The following RPS6KA2 variants were observed in gnomAD, a reference collection of about 807,000 sequenced individuals.
RPS6KA2 encodes the protein ribosomal protein S6 kinase alpha-2.
Under a neutral mutation model 91.8 loss-of-function variants are expected in RPS6KA2, and 42 were observed. That is an observed-to-expected ratio of 0.46 (90% confidence interval 0.36 to 0.59). RPS6KA2 has a LOEUF of 0.59. Ranked by LOEUF, RPS6KA2 falls within the 20% of genes least tolerant of loss-of-function variation. The probability of loss-of-function intolerance (pLI) is 0.00; values close to 1 mark genes in which losing one functional copy is unlikely to be tolerated. For synonymous variants in RPS6KA2, 414 were observed against 393.6 expected (o/e 1.05, Z -0.61); for missense variants, 798 against 978.5 (o/e 0.82, Z 2.46).
chr6:166,700,582 C>T (rs1425962223), intron 2 of RPS6KA2, among the ~76,000 whole-genome samples: 3 of 152,164 alleles, frequency 2.0e-5, no homozygotes, highest in Non-Finnish European at 2.9e-5. Flanking sequence ...CTGTCAACAC[C>T]GTTCAGCACT....
rs548547643 is a variant in RPS6KA2 at position 166,853,619 on chromosome 6, C to G, written c.123+4581G>C. On this transcript the variant is annotated intron_variant, in intron 2 of 21. Transcript: ENST00000503859. ...CGCCACGTCCTATCCCACCAAAGATCCATGCTCAGCATCGTGGCCACCTAA... is the reference window on the plus strand; with the variant it reads ...CGCCACGTCCTATCCCACCAAAGATGCATGCTCAGCATCGTGGCCACCTAA... 6.2e-4 allele frequency among the ~76,000 whole-genome samples: 95 copies of G among 152,376 alleles called. 1 individual carries two copies. Among genetic ancestry groups the G allele is most frequent in the Non-Finnish European group, 7.6e-4 (52 of 68,040 alleles).
chr6:166,856,147 T>G (rs1230873573), intron 2 of RPS6KA2, among the ~76,000 whole-genome samples: 1 of 152,206 alleles, frequency 6.6e-6, no homozygotes, highest in Non-Finnish European at 1.5e-5. Flanking sequence ...GGGCATAACA[T>G]GTGCTATGGT....
intron 2 of RPS6KA2, among the ~76,000 whole-genome samples, chr6:166,783,048 G>GTATTAT (rs71686287): frequency 7.7e-4 from 104 of 134,702 alleles, no homozygotes; most frequent in African/African-American, 2.1e-3. Context: ...TATCTTTTAG[G>GTATTAT]TATTATTATT....
rs1780196789 is a variant in RPS6KA2, at chr6:166,459,283, C to G, written c.1075+166G>C. The stretch of plus-strand genomic sequence containing the variant: ...AGAGAACTGGGGCTATCACTTAAAC[C>G]TTTATCACTGAGCAGAGAAAACAAC... On this transcript the variant is annotated intron_variant, in intron 12 of 20. Coordinates refer to ENST00000265678, the MANE Select transcript of RPS6KA2 (RefSeq NM_021135.6). This position sits in a 1 kb window ranked among gnomAD's most constrained non-coding sequence, Gnocchi z 4.9. Among the ~76,000 whole-genome samples, 1 of 152,164 alleles carries G rather than the reference C, an allele frequency of 6.6e-6. No individual in the cohort carries two copies. The highest frequency in any genetic ancestry group is 1.5e-5 in the Non-Finnish European group (1 of 68,040).
intron 2 of RPS6KA2, among the ~76,000 whole-genome samples, chr6:166,678,668 A>G (rs1788687330): frequency 6.6e-6 from 1 of 152,200 alleles, no homozygotes; most frequent in Admixed American, 6.5e-5. Context: ...ACTGTGACTC[A>G]CGCCTGGAGA....
chr6:166,795,427 T>G (rs1382889887), intron 2 of RPS6KA2, among the ~76,000 whole-genome samples: 1 of 152,230 alleles, frequency 6.6e-6, no homozygotes, highest in African/African-American at 2.4e-5. Flanking sequence ...GTCCCAGTGG[T>G]CAGGTGAACA....
At chr6:166,522,853 T>G (rs965938341) in intron 3 of RPS6KA2, among the ~76,000 whole-genome samples, 14 of 152,154 alleles carry the variant, frequency 9.2e-5, no homozygotes, top group Admixed American at 2.6e-4. Flanking sequence ...CCATAAATAA[T>G]AAGAAGCAAA....
intron 2 of RPS6KA2, among the ~76,000 whole-genome samples, chr6:166,659,939 T>TTC (rs1554244298): frequency 4.0e-5 from 6 of 151,850 alleles, no homozygotes; most frequent in African/African-American, 7.3e-5. Context: ...TTTTTTTTTT[T>TTC]TTAGACACAA....
intron 2 of RPS6KA2, among the ~76,000 whole-genome samples, chr6:166,747,592 T>A (rs1238227061): frequency 6.6e-6 from 1 of 152,126 alleles, no homozygotes; most frequent in Non-Finnish European, 1.5e-5. Flanking sequence ...TCCTTCCCCC[T>A]TTCCACCACA....
intron 2 of RPS6KA2, among the ~76,000 whole-genome samples, chr6:166,689,897 G>A (rs1193864636): frequency 6.6e-6 from 1 of 152,228 alleles, no homozygotes; most frequent in African/African-American, 2.4e-5. Context: ...TCGGCCCTCA[G>A]GCCAAGTGGC....
intron 10 of RPS6KA2, among the ~76,000 whole-genome samples, chr6:166,487,874 G>C (rs1003311417): frequency 6.6e-6 from 1 of 152,118 alleles, no homozygotes; most frequent in African/African-American, 2.4e-5. Flanking sequence ...AGGTACTTTT[G>C]ATTAGCTTCA....
intron 2 of RPS6KA2, among the ~76,000 whole-genome samples, chr6:166,780,396 G>A (rs1199858150): frequency 1.3e-5 from 2 of 152,226 alleles, no homozygotes; most frequent in Non-Finnish European, 2.9e-5. Context: ...CAGCAACCAT[G>A]AAGCCAGAGA....
chr6:166,809,117 T>C (rs1779568472), intron 2 of RPS6KA2, among the ~76,000 whole-genome samples: 1 of 152,180 alleles, frequency 6.6e-6, no homozygotes, highest in African/African-American at 2.4e-5. Context: ...GGGGAAAGGA[T>C]GAATTTTATA....
chr6:166,738,346 T>G (rs1294310088), intron 2 of RPS6KA2, among the ~76,000 whole-genome samples: 1 of 151,826 alleles, frequency 6.6e-6, no homozygotes, highest in African/African-American at 2.4e-5. Flanking sequence ...AGCAGGGAGG[T>G]GGCTGGGAAG....
chr6:166,673,274 T>A (rs1431202011), intron 2 of RPS6KA2, among the ~76,000 whole-genome samples: 1 of 152,238 alleles, frequency 6.6e-6, no homozygotes, highest in Non-Finnish European at 1.5e-5. Context: ...GCTGCGGCTC[T>A]AGGGATCTCT....
chr6:166,775,175 C>G (rs1302596490), intron 2 of RPS6KA2, among the ~76,000 whole-genome samples: 1 of 152,006 alleles, frequency 6.6e-6, no homozygotes, highest in Non-Finnish European at 1.5e-5. Context: ...GGGGGGCAGT[C>G]TTGATTCTTA....
chr6:166,433,717 T>C lies in RPS6KA2; in HGVS notation c.1333-1227A>G, dbSNP rs1034012951. On this transcript the variant is annotated intron_variant, in intron 14 of 20. Coordinates refer to ENST00000265678, the MANE Select transcript of RPS6KA2 (RefSeq NM_021135.6). The surrounding 1 kb of genome is among the most constrained non-coding windows in gnomAD (Gnocchi z 4.4). ...GGTGACTTGCTTTTAACTTCTATCATGTCAAAGTCTCTAGGCAGAGCTTTG... is the reference window on the plus strand; with the variant it reads ...GGTGACTTGCTTTTAACTTCTATCACGTCAAAGTCTCTAGGCAGAGCTTTG... Among the ~76,000 whole-genome samples the C allele has an allele frequency of 4.6e-5, 7 of 152,222 alleles. No individual in the cohort carries two copies. Among genetic ancestry groups the C allele is most frequent in the African/African-American group, 7.2e-5 (3 of 41,456 alleles).
At chr6:166,747,096 G>A (rs1341441253) in intron 2 of RPS6KA2, among the ~76,000 whole-genome samples, 3 of 152,142 alleles carry the variant, frequency 2.0e-5, no homozygotes, top group Admixed American at 1.3e-4. Context: ...TACATAGACG[G>A]GCTTTATCAA....
At chr6:166,552,672 G>T (rs184286978) in intron 1 of RPS6KA2, among the ~76,000 whole-genome samples, 18 of 152,184 alleles carry the variant, frequency 1.2e-4, no homozygotes, top group East Asian at 1.9e-4. Context: ...AATCCCAAAA[G>T]GTTTCTGAAG....
Sources: allele counts gnomAD v4.1 joint callset (sites outside exome capture counted in the v4.1 genomes callset), GRCh38; gene constraint gnomAD v4.1.1; non-coding constraint Gnocchi (gnomAD v3.1); transcripts MANE v1.5; gene names NCBI Gene and HGNC (gene_info 2026-07-23, HGNC 2026-07-21).